Variants in CHD9 observed in about 807,000 individuals in gnomAD.
CHD9 encodes chromodomain helicase DNA binding protein 9.
CHD9 carries 77 observed loss-of-function variants against 316.1 expected under a neutral mutation model. The observed-to-expected ratio is 0.24, with a 90% CI of 0.20 to 0.29. CHD9 has a LOEUF of 0.29. Ranked by LOEUF, CHD9 falls within the 10% of genes least tolerant of loss-of-function variation. The pLI is 1.00. For missense variants in CHD9, 2,763 were observed against 3,438.1 expected, an observed-to-expected ratio of 0.80 and a Z score of 4.91; for synonymous variants, 1,129 against 1,158.3, an observed-to-expected ratio of 0.97 and a Z score of 0.51.
At chr16:53,272,766 A>C (rs1025110196) in intron 22 of CHD9, among the ~76,000 whole-genome samples, 4 of 152,182 alleles carry the variant, frequency 2.6e-5, no homozygotes, top group African/African-American at 9.7e-5. Flanking sequence ...ACATGCATGG[A>C]ATGGAAAAAC....
chr16:53,127,475 G>T (rs1415050543), intron 1 of CHD9, among the ~76,000 whole-genome samples: 2 of 152,182 alleles, frequency 1.3e-5, no homozygotes, highest in Non-Finnish European at 2.9e-5. Context: ...CATGGAATTG[G>T]AAACTCAGGC....
In CHD9 at chr16:53,190,898, T is replaced by G. The variant is rs2044424408; in HGVS notation, c.1453-18584T>G. ...AACAGATAAGTCAGGGTAAAATTAA[T>G]CCTGTTACATATGTCCACTTAGTAA... On this transcript the variant is annotated intron_variant, in intron 2 of 38. Coordinates refer to ENST00000447540, the MANE Select transcript of CHD9 (RefSeq NM_001308319.2). Among the ~76,000 whole-genome samples the G allele has an allele frequency of 1.3e-5, 2 of 152,124 alleles. 1 individual carries two copies. Among genetic ancestry groups the G allele is most frequent in the African/African-American group, 4.8e-5 (2 of 41,456 alleles).
Position 53,306,288 on chromosome 16 carries a change from G to A in CHD9, c.6671G>A (p.Ser2224Asn). 1.9e-6 allele frequency: 3 copies of A among 1,607,594 alleles called. No individual in the cohort carries two copies. The highest frequency in any genetic ancestry group is 2.5e-6 in the Non-Finnish European group (3 of 1,177,056). The change falls in exon 32 of 39, where the codon AGC becomes AAC. Residue 2224 changes from serine to asparagine, a missense_variant. By Grantham distance (46) the Ser-to-Asn change is conservative (BLOSUM62 1). This residue lies in a region of CHD9 where 663 missense variants were observed against 751.2 expected (regional missense o/e 0.88). Coordinates refer to ENST00000447540, the MANE Select transcript of CHD9 (RefSeq NM_001308319.2). ...AYDEESVASLSTTQDETQDSF... is the reference protein window; with the variant it reads ...AYDEESVASLNTTQDETQDSF... ...GATGAAGAAAGCGTCGCGTCACTGA[G>A]CACTACCCAGGATGAGACTCAGGAT...
chr16:53,195,636 T>C (rs2044843270), intron 2 of CHD9, among the ~76,000 whole-genome samples: 1 of 152,128 alleles, frequency 6.6e-6, no homozygotes, highest in African/African-American at 2.4e-5. Flanking sequence ...GGAGAGTATC[T>C]CTGAGCTCAG....
intron 1 of CHD9, among the ~76,000 whole-genome samples, chr16:53,061,040 C>T (rs1274821586): frequency 1.3e-5 from 2 of 150,994 alleles, no homozygotes; most frequent in South Asian, 2.1e-4. Flanking sequence ...GATTCTCCTG[C>T]CTCAGTTTCC....
chr16:53,243,386 T>TC (rs2049273740), intron 13 of CHD9, among the ~76,000 whole-genome samples: 1 of 152,220 alleles, frequency 6.6e-6, no homozygotes, highest in South Asian at 2.1e-4. Context: ...CGGTCTCCAC[T>TC]CACTGCAACC....
intron 1 of CHD9, among the ~76,000 whole-genome samples, chr16:53,104,811 CAAA>C (rs11391135): frequency 5.3e-5 from 6 of 113,548 alleles, no homozygotes; most frequent in African/African-American, 3.0e-5. Context: ...AACTCTGTCT[CAAA>C]AAAAAAAAAA....
chr16:53,076,556 C>G, intron 1 of CHD9, among the ~76,000 whole-genome samples: 1 of 151,276 alleles, frequency 6.6e-6, no homozygotes, highest in East Asian at 1.9e-4. Context: ...GCCTGGATGA[C>G]AAGAGTGAAA....
intron 1 of CHD9, chr16:53,121,706 C>G: frequency 5.1e-6 from 1 of 196,568 alleles, no homozygotes; most frequent in Non-Finnish European, 1.1e-5. Flanking sequence ...GTACTTTAAG[C>G]TAGCTACACC....
intron 27 of CHD9, among the ~76,000 whole-genome samples, chr16:53,289,711 C>G (rs747630001): frequency 1.3e-5 from 2 of 152,080 alleles, no homozygotes; most frequent in Non-Finnish European, 2.9e-5. Flanking sequence ...CAGCATCTAC[C>G]ACTCCTAGGG....
At chr16:53,259,448 T>C (rs2050894051) in intron 19 of CHD9, among the ~76,000 whole-genome samples, 1 of 152,176 alleles carries the variant, frequency 6.6e-6, no homozygotes, top group Non-Finnish European at 1.5e-5. Flanking sequence ...TAAAATCTGA[T>C]TGTGTCCTTT....
chr16:53,226,348 T>A lies in CHD9; in HGVS notation c.1897-18T>A, dbSNP rs777821340. 6.7e-7 allele frequency: 1 copy of A among 1,493,840 alleles called. No individual in the cohort carries two copies. Among genetic ancestry groups the A allele is most frequent in the Non-Finnish European group, 9.0e-7 (1 of 1,116,742 alleles). 92.5% of individuals were successfully genotyped at this position (1,493,840 alleles called of 1,614,324 possible). A position where few individuals can be genotyped will look rare whatever the true frequency, so the allele number is the denominator to read the frequency against. ...TCAAAATAAATTATATAAATCTGAT[T>A]CTTGTGGTTCATTACAGAAAAGAAG... On this transcript the variant is annotated intron_variant, in intron 4 of 38. Coordinates refer to ENST00000447540, the MANE Select transcript of CHD9 (RefSeq NM_001308319.2).
At chr16:53,313,377 C>A (rs536233375) in intron 34 of CHD9, among the ~76,000 whole-genome samples, 1 of 152,174 alleles carries the variant, frequency 6.6e-6, no homozygotes, top group South Asian at 2.1e-4. Context: ...ATGATCTCGG[C>A]TCACAGCAAC....
rs1178029138 is a variant in CHD9, at chr16:53,324,992, T to G, written c.*97T>G. 1 of 1,010,132 alleles carries G rather than the reference T, an allele frequency of 9.9e-7. No individual in the cohort carries two copies. Among genetic ancestry groups the G allele is most frequent in the Non-Finnish European group, 1.4e-6 (1 of 710,646 alleles). 62.6% of individuals were successfully genotyped at this position (1,010,132 alleles called of 1,614,324 possible). A position where few individuals can be genotyped will look rare whatever the true frequency, so the allele number is the denominator to read the frequency against. ...AGTGTTGAGTGCATCAATAACTTAC[T>G]GACCGAACATTTCAGTTATTTGTTT... On this transcript the variant is annotated 3_prime_UTR_variant, in exon 39 of 39. Coordinates refer to ENST00000447540, the MANE Select transcript of CHD9 (RefSeq NM_001308319.2).
chr16:53,290,485 CA>C (rs61676694), intron 27 of CHD9, among the ~76,000 whole-genome samples: 72,025 of 146,198 alleles, frequency 0.49, 17,731 homozygotes, highest in African/African-American at 0.59. Context: ...TTAGAGCAGG[CA>C]AAAAAAAAAA....
intron 2 of CHD9, among the ~76,000 whole-genome samples, chr16:53,197,392 T>A (rs1015616250): frequency 2.0e-5 from 3 of 152,136 alleles, no homozygotes; most frequent in Admixed American, 2.0e-4. Flanking sequence ...CACGAACAAA[T>A]TGATGTTTGT....
chr16:53,304,775 ACCT>A (rs1453237684), intron 31 of CHD9, 150 bp downstream of exon 31: 2 of 593,694 alleles, frequency 3.4e-6, no homozygotes, highest in Non-Finnish European at 5.4e-6. Flanking sequence ...GCTCACTTCA[ACCT>A]CCACCTCCTG....
At chr16:53,228,602 C>T (rs1046015998) in intron 7 of CHD9, among the ~76,000 whole-genome samples, 1 of 142,138 alleles carries the variant, frequency 7.0e-6, no homozygotes, top group Non-Finnish European at 1.5e-5. Flanking sequence ...CTGCGGACTG[C>T]AGTGGCGCAA....
chr16:53,114,998 C>G (rs2038180330), intron 1 of CHD9, among the ~76,000 whole-genome samples: 1 of 152,140 alleles, frequency 6.6e-6, no homozygotes, highest in African/African-American at 2.4e-5. Flanking sequence ...GACTTTCTTC[C>G]AAGAAAGAAA....
Sources: allele counts gnomAD v4.1 joint callset (sites outside exome capture counted in the v4.1 genomes callset), GRCh38; gene constraint gnomAD v4.1.1; regional missense constraint gnomAD v4.1.1; transcripts MANE v1.5; gene names NCBI Gene and HGNC (gene_info 2026-07-23, HGNC 2026-07-21).